The following TTC19 variants were observed in gnomAD, a reference collection of about 807,000 sequenced individuals.
The protein encoded by TTC19 is tetratricopeptide repeat protein 19, mitochondrial.
A neutral mutation model predicts 49.5 loss-of-function variants in TTC19; 38 were observed. That is an observed-to-expected ratio of 0.77 (90% CI 0.59 to 1.01). The LOEUF is 1.01. TTC19 is among the 50% of genes least tolerant of loss of function. The pLI, the probability that TTC19 is intolerant of heterozygous loss-of-function variation, is 0.00. For missense variants in TTC19, 475 were observed against 477.7 expected (o/e 0.99, Z 0.05); for synonymous variants, 204 against 185.2 (o/e 1.10, Z -0.83).
chr17:16,042,380 TGAA>T (rs1238559393), intron 2 of TTC19, among the ~76,000 whole-genome samples: 8 of 152,240 alleles, frequency 5.3e-5, no homozygotes, highest in Non-Finnish European at 1.0e-4. Context: ...AATGGTCAGA[TGAA>T]GACAATTTCC....
At chr17:16,032,423 G>A (rs1170194358), downstream of TTC19, 1 of 1,614,020 alleles carries the variant, frequency 6.2e-7, no homozygotes, top group Admixed American at 1.7e-5. Context: ...TGCAATCGGT[G>A]TTGGTGGAGT....
chr17:16,009,953 TTTGG>T (rs1419745670), intron 7 of TTC19, among the ~76,000 whole-genome samples: 1 of 152,106 alleles, frequency 6.6e-6, no homozygotes, highest in Admixed American at 6.5e-5. Context: ...AGTGATTCTC[TTTGG>T]TTGGTAGGTT....
intron 2 of TTC19, among the ~76,000 whole-genome samples, chr17:16,000,641 C>T (rs972565334): frequency 3.3e-5 from 5 of 152,106 alleles, no homozygotes; most frequent in African/African-American, 1.2e-4. Flanking sequence ...CTCCTGAATT[C>T]TTCCTTTTCT....
chr17:16,039,710 A>G, intron 2 of TTC19: 3 of 1,464,674 alleles, frequency 2.0e-6, no homozygotes, highest in Non-Finnish European at 2.8e-6. Flanking sequence ...TCAGGAAACA[A>G]ACATGCATTG....
chr17:16,000,271 CG>C, intron 2 of TTC19, 26 bp downstream of exon 2: 1 of 1,592,456 alleles, frequency 6.3e-7, no homozygotes, highest in South Asian at 1.1e-5. Flanking sequence ...GCCCTGCGCC[CG>C]GCCGAGCGCG....
chr17:16,021,152 C>T (rs1054329305), intron 7 of TTC19, among the ~76,000 whole-genome samples: 3 of 152,126 alleles, frequency 2.0e-5, no homozygotes, highest in Non-Finnish European at 2.9e-5. Flanking sequence ...CTTTGGGAGG[C>T]CAAGGCGGGC....
chr17:16,004,053 T>C (rs754478060), intron 5 of TTC19, 148 bp from the exon 6 acceptor site: 14 of 1,104,810 alleles, frequency 1.3e-5, no homozygotes, highest in Non-Finnish European at 1.9e-5. Flanking sequence ...TGCAACAGCA[T>C]GCTTGCCAAG....
At chr17:16,035,074 CA>C in intron 2 of TTC19, 1 of 843,596 alleles carries the variant, frequency 1.2e-6, no homozygotes, top group South Asian at 1.9e-5. Flanking sequence ...TCCTGGTACT[CA>C]ATGAAATAAA....
chr17:16,004,207 A>G lies in TTC19; in HGVS notation c.526A>G (p.Asn176Asp), dbSNP rs1342614364. Residue 176 changes from asparagine to aspartate, a missense_variant, in exon 6 of 10, where the codon AAT (asparagine) becomes GAT (aspartate). By Grantham distance (23) the Asn-to-Asp change is conservative (BLOSUM62 1). Coordinates refer to ENST00000261647, the MANE Select transcript of TTC19 (RefSeq NM_017775.4). Reference sequence around the variant, plus strand: ...CATTCTCTTTCTCTCACAGGAGGACAATGCAATAATTGAAATTTCCCTAAA... The same window carrying G: ...CATTCTCTTTCTCTCACAGGAGGACGATGCAATAATTGAAATTTCCCTAAA... Reference protein sequence around the residue: ...LLGGGMKQEDNAIIEISLKLA... With the variant: ...LLGGGMKQEDDAIIEISLKLA... 1.2e-6 allele frequency: 2 copies of G among 1,614,080 alleles called. No homozygotes were observed. The highest frequency in any genetic ancestry group is 2.2e-5 in the East Asian group (1 of 44,898).
intron 1 of TTC19, 37 bp from the exon 2 acceptor site, chr17:16,000,081 G>C: frequency 7.3e-7 from 1 of 1,371,788 alleles, no homozygotes; most frequent in Non-Finnish European, 9.3e-7. Context: ...ACAGGGGCGC[G>C]GGCCGGGCCC....
rs1332433919 is a variant in TTC19 at position 16,029,122 on chromosome 17, T to C, written c.*1600T>C. On this transcript the variant is annotated 3_prime_UTR_variant, in exon 10 of 10. Coordinates refer to ENST00000261647, the MANE Select transcript of TTC19 (RefSeq NM_017775.4). ...ACTCACCTTTTGCATTGAGAATGTT[T>C]TTACCTTTTCACAACTGCAGGGGTT... The C allele has an allele frequency of 2.2e-6, 1 of 452,112 alleles. No individual in the cohort carries two copies. Among genetic ancestry groups the C allele is most frequent in the Non-Finnish European group, 4.4e-6 (1 of 226,326 alleles). The allele number at this position is 452,112 out of a possible 1,614,324, so 28.0% of individuals were successfully genotyped here. A position where few individuals can be genotyped will look rare whatever the true frequency, so the allele number is the denominator to read the frequency against.
rs1305610128 is a variant in TTC19, at chr17:16,006,366, C to T, written c.582-108C>T. On this transcript the variant is annotated intron_variant, in intron 6 of 9. Transcript: ENST00000261647. ...TGGAGGTTGCTCTGAGCCGAGGTCA[C>T]GCCATTGCACTCCAGCCTGGGCAAC... is the stretch of plus-strand genomic sequence containing the variant. 6 of 817,358 alleles carry T rather than the reference C, an allele frequency of 7.3e-6. No individual in the cohort carries two copies. In the East Asian group the frequency reaches 7.4e-5, roughly 10 times the overall value. The allele number at this position is 817,358 out of a possible 1,614,324, so 50.6% of individuals were successfully genotyped here. A position where few individuals can be genotyped will look rare whatever the true frequency, so the allele number is the denominator to read the frequency against.
At position 16,027,738 on chromosome 17, in the gene TTC19, TGTC is replaced by T. The variant is rs1160903128; in HGVS notation, c.*220_*222del. On this transcript the variant is annotated 3_prime_UTR_variant, in exon 10 of 10. Coordinates refer to ENST00000261647, the MANE Select transcript of TTC19 (RefSeq NM_017775.4). ...CCCAACTGATTATGACCTTTCAGGA[TGTC>T]GTCAAGTGATGCTTTCAGTTGTAAC... 2.7e-5 allele frequency: 17 copies of T among 621,310 alleles called. No homozygotes were observed. Among genetic ancestry groups the T allele is most frequent in the Non-Finnish European group, 4.5e-5 (15 of 335,664 alleles). 38.5% of individuals were successfully genotyped at this position (621,310 alleles called of 1,614,324 possible).
chr17:16,034,416 T>C (rs1292445554), intron 2 of TTC19, among the ~76,000 whole-genome samples: 4 of 151,976 alleles, frequency 2.6e-5, no homozygotes, highest in African/African-American at 4.8e-5. Context: ...TAGTGAGACC[T>C]TGTCCCTACA....
intron 2 of TTC19, chr17:16,040,596 T>C (rs1075901): frequency 0.56 from 580,047 of 1,042,214 alleles, 165,527 homozygotes; most frequent in African/African-American, 0.71. Context: ...TTTTTATTTT[T>C]CATGATCTCA....
intron 2 of TTC19, 158 bp downstream of exon 2, chr17:16,000,403 T>C (rs1314678209): frequency 8.1e-6 from 12 of 1,485,556 alleles, no homozygotes; most frequent in East Asian, 2.5e-5. Flanking sequence ...CGAGAGGGGA[T>C]TGGAATCCAT....
chr17:16,025,217 AAAATT>A, intron 8 of TTC19, 46 bp downstream of exon 8: 1 of 1,588,350 alleles, frequency 6.3e-7, no homozygotes, highest in Middle Eastern at 1.7e-4. Flanking sequence ...CAAAGGCTTC[AAAATT>A]GAAGGGTGTG....
In TTC19 at chr17:16,026,212, G is replaced by A. The variant is rs544851512; in HGVS notation, c.832-328G>A. Among the ~76,000 whole-genome samples, 3 of 152,276 alleles carry A rather than the reference G, an allele frequency of 2.0e-5. No homozygotes were observed. In the East Asian group the frequency reaches 5.8e-4, roughly 29 times the overall value. On this transcript the variant is annotated intron_variant, in intron 8 of 9. Transcript: ENST00000261647. ...GAGGCTGGCTTCTCAAAGTTGCTCA[G>A]CCTTAAAGGAGATAATATGTGTAGC...
intron 8 of TTC19, among the ~76,000 whole-genome samples, chr17:16,025,902 A>C (rs1971539623): frequency 6.6e-6 from 1 of 152,224 alleles, no homozygotes; most frequent in African/African-American, 2.4e-5. Context: ...TTTATAACTT[A>C]TTATGAAGAG....
Sources: gnomAD v4.1 joint callset for allele counts (sites outside exome capture counted in the v4.1 genomes callset) on GRCh38, gnomAD v4.1.1 for gene constraint, MANE v1.5 for transcripts, NCBI Gene and HGNC (gene_info 2026-07-23, HGNC 2026-07-21) for gene names.